Variants in PCDHA1 observed in about 807,000 individuals in gnomAD.
PCDHA1 encodes the protein protocadherin alpha 1.
A neutral mutation model predicts 61.3 loss-of-function variants in PCDHA1; 42 were observed. That is an observed-to-expected ratio of 0.69 (90% confidence interval 0.54 to 0.89). The LOEUF (loss-of-function observed/expected upper bound fraction) is 0.89. PCDHA1 is among the 40% of genes least tolerant of loss of function. The pLI is 0.00. For synonymous variants in PCDHA1, 610 were observed against 553.8 expected, an observed-to-expected ratio of 1.10 and a Z score of -1.43; for missense variants, 1,256 against 1,235.3, an observed-to-expected ratio of 1.02 and a Z score of -0.25.
At chr5:140,810,228 T>C (rs1333257173) in intron 1 of PCDHA1, 1 of 152,266 alleles carries the variant, frequency 6.6e-6, no homozygotes, top group African/African-American at 2.4e-5. Flanking sequence ...CTATACCTTA[T>C]TTATTCTACT....
chr5:140,898,067 T>C (rs2066506598), intron 1 of PCDHA1, among the ~76,000 whole-genome samples: 1 of 152,122 alleles, frequency 6.6e-6, no homozygotes, highest in Admixed American at 6.5e-5. Context: ...TTGTTTGAGT[T>C]CATTGTAGAT....
chr5:140,824,611 T>G (rs1768190871), intron 1 of PCDHA1: 1 of 19,836 alleles, frequency 5.0e-5, no homozygotes, highest in African/African-American at 1.7e-4. Context: ...CTAATTAAAG[T>G]TTTTTTTTTT....
intron 1 of PCDHA1, among the ~76,000 whole-genome samples, chr5:140,806,486 G>C (rs555206521): frequency 6.6e-6 from 1 of 152,144 alleles, no homozygotes; most frequent in Non-Finnish European, 1.5e-5. Context: ...TTTCAGCCCT[G>C]ACATGACTCA....
chr5:140,864,502 C>A (rs989482807), intron 1 of PCDHA1: 2 of 152,088 alleles, frequency 1.3e-5, no homozygotes, highest in African/African-American at 4.8e-5. Context: ...TTTAGCCTTG[C>A]CTTTAAAGGT....
Position 141,010,990 on chromosome 5 carries a change from A to G in PCDHA1, c.*1053A>G, listed in dbSNP as rs1399914066. The stretch of plus-strand genomic sequence containing the variant: ...GTGCTTTAAGAGAATTGCCTGAAAC[A>G]TCTGTATTATATCGGCCACCTGCCA... On this transcript the variant is annotated 3_prime_UTR_variant, in exon 4 of 4. Transcript: ENST00000504120. The G allele has an allele frequency of 6.5e-6, 1 of 153,770 alleles. No individual in the cohort carries two copies. Among genetic ancestry groups the G allele is most frequent in the Non-Finnish European group, 1.5e-5 (1 of 68,054 alleles). 9.5% of individuals were successfully genotyped at this position (153,770 alleles called of 1,614,324 possible). A position where few individuals can be genotyped will look rare whatever the true frequency, so the allele number is the denominator to read the frequency against.
In PCDHA1 at chr5:140,788,078, AG is replaced by A; in HGVS notation, c.1789del (p.Val597TrpfsTer54). On this transcript the variant is annotated frameshift_variant, in exon 1 of 4. Transcript: ENST00000504120. LOFTEE classifies it high-confidence loss of function. The stretch of plus-strand genomic sequence containing the variant: ...GTCATGTGGTGGCGAAGGTGCGCGC[AG>A]TGGACGCCGACTCGGGCTACAACGC... ...AGHVVAKVRA[V>X]DADSGYNAWL... is the part of the protein sequence containing the mutation. 1 of 1,613,976 alleles carries A rather than the reference AG, an allele frequency of 6.2e-7. No homozygotes were observed. The highest frequency in any genetic ancestry group is 1.3e-5 in the African/African-American group (1 of 75,054).
intron 1 of PCDHA1, chr5:140,809,750 C>A: frequency 1.5e-6 from 1 of 651,012 alleles, no homozygotes; most frequent in East Asian, 2.9e-5. Context: ...TATTGCCTTC[C>A]TTCATTTTAT....
chr5:140,906,744 A>G (rs2072897297), intron 1 of PCDHA1, among the ~76,000 whole-genome samples: 1 of 152,210 alleles, frequency 6.6e-6, no homozygotes, highest in Admixed American at 6.5e-5. Context: ...CCATTGACAC[A>G]GGGCATGGTA....
At chr5:141,006,368 C>A (rs1395158727) in intron 3 of PCDHA1, among the ~76,000 whole-genome samples, 1 of 151,954 alleles carries the variant, frequency 6.6e-6, no homozygotes, top group Non-Finnish European at 1.5e-5. Flanking sequence ...CCCACCACCA[C>A]GCCCGGCTAA....
intron 1 of PCDHA1, chr5:140,802,366 C>T (rs1467501869): frequency 1.2e-6 from 2 of 1,614,244 alleles, no homozygotes; most frequent in Non-Finnish European, 8.5e-7. Flanking sequence ...TGCTCGCTGA[C>T]GCCCCACGTC....
chr5:140,869,572 G>A (rs375272234), intron 1 of PCDHA1: 1 of 1,614,060 alleles, frequency 6.2e-7, no homozygotes, highest in Non-Finnish European at 8.5e-7. Flanking sequence ...ACTAGAGGGA[G>A]CTTCTGATGC....
At chr5:140,823,941 C>A in intron 1 of PCDHA1, 1 of 1,613,924 alleles carries the variant, frequency 6.2e-7, no homozygotes, top group Non-Finnish European at 8.5e-7. Context: ...CGCTGCGGTG[C>A]TCGGCGCAGC....
rs781839336 is a variant in PCDHA1, at chr5:140,786,900, G to C, written c.610G>C (p.Glu204Gln). ...LELRKYLDRE[E>Q]TPELHLLLTA... Reference sequence around the variant, plus strand: ...ATTGAGAAAATATTTGGATAGAGAAGAAACACCAGAACTTCACTTATTACT... The same window carrying C: ...ATTGAGAAAATATTTGGATAGAGAACAAACACCAGAACTTCACTTATTACT... The change falls in exon 1 of 4, where the codon GAA becomes CAA. Residue 204 changes from glutamate (E) to glutamine (Q), a missense_variant. Transcript: ENST00000504120. 3.7e-6 allele frequency: 6 copies of C among 1,614,038 alleles called. No individual in the cohort carries two copies. In the African/African-American group the frequency reaches 5.3e-5, roughly 14 times the overall value.
intron 3 of PCDHA1, among the ~76,000 whole-genome samples, chr5:140,986,774 A>G (rs1201484926): frequency 6.6e-6 from 1 of 152,226 alleles, no homozygotes; most frequent in Non-Finnish European, 1.5e-5. Context: ...TTAATTAGGT[A>G]GCGGAAGCCA....
intron 1 of PCDHA1, among the ~76,000 whole-genome samples, chr5:140,975,246 G>T (rs1304794782): frequency 6.6e-6 from 1 of 152,136 alleles, no homozygotes; most frequent in Non-Finnish European, 1.5e-5. Context: ...TCCCTCTTAT[G>T]CTTCAGATCT....
chr5:140,877,377 C>T (rs575601254), intron 1 of PCDHA1: 2 of 1,614,008 alleles, frequency 1.2e-6, no homozygotes, highest in Non-Finnish European at 1.7e-6. Context: ...GCACGACACG[C>T]ATCCTGGATG....
chr5:140,807,352 G>T (rs11167605), intron 1 of PCDHA1: 581,450 of 1,607,716 alleles, frequency 0.36, 110,207 homozygotes, highest in East Asian at 0.49. Flanking sequence ...TGGGACTGGA[G>T]CTGGCGGAGC....
intron 1 of PCDHA1, 99 bp from the exon 2 acceptor site, chr5:140,978,850 G>T: frequency 6.3e-7 from 1 of 1,577,084 alleles, no homozygotes; most frequent in Non-Finnish European, 8.6e-7. Flanking sequence ...TTTTTTAGAT[G>T]CCTGGAAATA....
chr5:140,875,752 A>G lies in PCDHA1; in HGVS notation c.2394+87068A>G, dbSNP rs782489258. On this transcript the variant is annotated intron_variant, in intron 1 of 3. Transcript: ENST00000504120. ...TGTGAATTCTCGGATCGACCGCGAGAAGCTGTGCGGGCGGAGCGCGGAGTG... is the reference window on the plus strand; with the variant it reads ...TGTGAATTCTCGGATCGACCGCGAGGAGCTGTGCGGGCGGAGCGCGGAGTG... 53 of 1,614,084 alleles carry G rather than the reference A, an allele frequency of 3.3e-5. No homozygotes were observed. The highest frequency in any genetic ancestry group is 3.2e-4 in the African/African-American group (24 of 74,918).
Sources: gnomAD v4.1 joint callset for allele counts (sites outside exome capture counted in the v4.1 genomes callset) on GRCh38, gnomAD v4.1.1 for gene constraint, MANE v1.5 for transcripts, NCBI Gene and HGNC (gene_info 2026-07-23, HGNC 2026-07-21) for gene names.